The following CDH23 variants were observed in gnomAD, a reference collection of about 807,000 sequenced individuals.
CDH23 encodes cadherin related 23, also known as cadherin-23.
In CDH23, 189 loss-of-function variants were observed where a neutral mutation model predicts 317.1. That is an observed-to-expected ratio of 0.60 (90% CI 0.53 to 0.67). CDH23 has a LOEUF of 0.67. CDH23 is among the 30% of genes least tolerant of loss of function. The pLI is 0.00. For synonymous variants in CDH23, 1,839 were observed against 1,876.8 expected (o/e 0.98, Z 0.52); for missense variants, 4,401 against 4,592.4 (o/e 0.96, Z 1.20).
chr10:71,773,730 C>T (rs544595600), intron 38 of CDH23, among the ~76,000 whole-genome samples: 5 of 152,346 alleles, frequency 3.3e-5, no homozygotes, highest in African/African-American at 1.2e-4. Flanking sequence ...AAAGCCCGTT[C>T]TACCGTCCCC....
intron 1 of CDH23, among the ~76,000 whole-genome samples, chr10:71,426,296 C>T (rs945162999): frequency 2.0e-5 from 3 of 152,220 alleles, no homozygotes; most frequent in African/African-American, 7.2e-5. Flanking sequence ...TCTGCACTTT[C>T]AGAGGGGGGC....
intron 14 of CDH23, among the ~76,000 whole-genome samples, chr10:71,673,115 T>C (rs1291672807): frequency 6.6e-6 from 1 of 152,234 alleles, no homozygotes; most frequent in Non-Finnish European, 1.5e-5. Flanking sequence ...CCCTATTTTC[T>C]CTGCACCACC....
intron 11 of CDH23, 94 bp from the exon 12 acceptor site, chr10:71,643,767 T>A: frequency 1.3e-6 from 1 of 746,486 alleles, no homozygotes; most frequent in South Asian, 1.4e-5. Context: ...AGGGTCTCAC[T>A]GTCTTTTCTC....
intron 6 of CDH23, among the ~76,000 whole-genome samples, chr10:71,556,310 G>A (rs979524829): frequency 3.9e-5 from 6 of 152,122 alleles, no homozygotes; most frequent in African/African-American, 1.4e-4. Context: ...GAGTTGAAAG[G>A]GAGGAGGCAG....
intron 6 of CDH23, among the ~76,000 whole-genome samples, chr10:71,534,724 C>T (rs754769917): frequency 2.6e-5 from 4 of 152,246 alleles, no homozygotes; most frequent in Non-Finnish European, 5.9e-5. Flanking sequence ...CTGACTTCTG[C>T]TGTCCAGTGG....
chr10:71,625,848 A>G (rs1861709927), intron 11 of CDH23, among the ~76,000 whole-genome samples: 1 of 152,180 alleles, frequency 6.6e-6, no homozygotes, highest in Non-Finnish European at 1.5e-5. Context: ...GTGGAGAAAA[A>G]TCTGCATCTT....
chr10:71,812,313 G>A, intron 66 of CDH23, 167 bp from the exon 67 acceptor site: 1 of 1,598,756 alleles, frequency 6.3e-7, no homozygotes, highest in Non-Finnish European at 8.5e-7. Flanking sequence ...GTTCCAGCAG[G>A]ATCCTATGGT....
In CDH23 at chr10:71,694,148, G is replaced by A. The variant is rs1382342203; in HGVS notation, c.2178G>A (p.Gly726=). The change falls in exon 21 of 70, where the codon GGG becomes GGA. Residue 726 remains glycine, a splice_region_variant and synonymous_variant. Coordinates refer to ENST00000224721, the MANE Select transcript of CDH23 (RefSeq NM_022124.6). ...CGCACCCACTTCTCTCTCTGGCAGG[G>A]GAAATCACCACCACGTCTCTGCTTG... ...STQFRINARS[G]EITTTSLLDR... 3.1e-6 allele frequency: 5 copies of A among 1,613,462 alleles called. No individual in the cohort carries two copies. The African/African-American group carries it at 4.0e-5, about 13-fold the overall frequency.
intron 9 of CDH23, among the ~76,000 whole-genome samples, chr10:71,588,119 G>A (rs1182566686): frequency 6.6e-6 from 1 of 152,180 alleles, no homozygotes; most frequent in East Asian, 1.9e-4. Flanking sequence ...TGAGCAGCCA[G>A]ATGGAGTTCT....
intron 3 of CDH23, among the ~76,000 whole-genome samples, chr10:71,474,513 A>G (rs567379306): frequency 6.6e-6 from 1 of 152,298 alleles, no homozygotes; most frequent in African/African-American, 2.4e-5. Flanking sequence ...CCTGGGAGAC[A>G]GTGGAATACG....
intron 12 of CDH23, among the ~76,000 whole-genome samples, chr10:71,645,213 G>A (rs1226971993): frequency 6.6e-6 from 1 of 152,224 alleles, no homozygotes; most frequent in Admixed American, 6.5e-5. Flanking sequence ...TGGCCACCCT[G>A]TGCTCAGTCT....
At chr10:71,501,853 G>C (rs1442135627) in intron 3 of CDH23, among the ~76,000 whole-genome samples, 2 of 152,186 alleles carry the variant, frequency 1.3e-5, no homozygotes, top group African/African-American at 2.4e-5. Context: ...AGGAGGGTGG[G>C]TTTCCCTTCT....
chr10:71,793,940 T>C (rs1841336312), intron 48 of CDH23, among the ~76,000 whole-genome samples: 1 of 152,176 alleles, frequency 6.6e-6, no homozygotes, highest in Non-Finnish European at 1.5e-5. Flanking sequence ...TATGATAACA[T>C]TTTCATGTTG....
At position 71,762,014 on chromosome 10, in the gene CDH23, G is replaced by C. The variant is rs748561288; in HGVS notation, c.4846-15666G>C. The C allele has an allele frequency of 1.9e-6, 3 of 1,602,270 alleles. No individual in the cohort carries two copies. The South Asian group carries it at 3.4e-5, about 18-fold the overall frequency. On this transcript the variant is annotated intron_variant, in intron 38 of 69. Transcript: ENST00000224721. ...GGAATACGGCGTGGCGACCTTGAAGGCTGCCACCGGACCTGCTCAGAGAGA... is the reference window on the plus strand; with the variant it reads ...GGAATACGGCGTGGCGACCTTGAAGCCTGCCACCGGACCTGCTCAGAGAGA...
At chr10:71,684,743 A>C (rs1372473992) in intron 18 of CDH23, among the ~76,000 whole-genome samples, 1 of 152,170 alleles carries the variant, frequency 6.6e-6, no homozygotes, top group East Asian at 1.9e-4. Context: ...GGGAGTTCCC[A>C]TGAGTGGGCT....
intron 66 of CDH23, 106 bp from the exon 67 acceptor site, chr10:71,812,374 G>A (rs761595136): frequency 1.2e-6 from 2 of 1,602,266 alleles, no homozygotes; most frequent in South Asian, 1.1e-5. Flanking sequence ...TCAGTGAAAG[G>A]CACTATATGG....
chr10:71,574,230 G>A (rs34461031), intron 8 of CDH23, among the ~76,000 whole-genome samples: 4,057 of 151,732 alleles, frequency 0.027, 73 homozygotes, highest in Middle Eastern at 0.054. Flanking sequence ...CCCTATCAGC[G>A]TATCAGGTTA....
intron 38 of CDH23, among the ~76,000 whole-genome samples, chr10:71,754,162 C>G (rs1840074017): frequency 6.6e-6 from 1 of 152,138 alleles, no homozygotes; most frequent in South Asian, 2.1e-4. Context: ...CCCTGCTGCC[C>G]AGCGTTGCTC....
chr10:71,787,697 A>G (rs1841142541), intron 44 of CDH23, among the ~76,000 whole-genome samples: 1 of 152,162 alleles, frequency 6.6e-6, no homozygotes, highest in South Asian at 2.1e-4. Flanking sequence ...AGTTCCATCC[A>G]TGTTGCTGCA....
Sources: allele counts gnomAD v4.1 joint callset (sites outside exome capture counted in the v4.1 genomes callset), GRCh38; gene constraint gnomAD v4.1.1; transcripts MANE v1.5; gene names NCBI Gene and HGNC (gene_info 2026-07-23, HGNC 2026-07-21).